TRAPPC9: variants seen among roughly 807,000 people sequenced by gnomAD.
TRAPPC9 encodes the protein IKK2 binding protein.
TRAPPC9 carries 83 observed loss-of-function variants against 124.0 expected under a neutral mutation model. The observed-to-expected ratio is 0.67, with a 90% confidence interval of 0.56 to 0.80. The LOEUF (loss-of-function observed/expected upper bound fraction) is 0.80, where lower values mean the gene tolerates loss of function less well. Among genes scored for constraint, TRAPPC9 ranks in the 30% least tolerant of loss-of-function variants. The pLI is 0.00. For synonymous variants in TRAPPC9, 638 were observed against 617.5 expected, an observed-to-expected ratio of 1.03 and a Z score of -0.49; for missense variants, 1,302 against 1,508.3, an observed-to-expected ratio of 0.86 and a Z score of 2.27.
chr8:140,428,171 G>T (rs182812560), intron 4 of TRAPPC9, among the ~76,000 whole-genome samples: 1 of 152,254 alleles, frequency 6.6e-6, no homozygotes, highest in Non-Finnish European at 1.5e-5. Flanking sequence ...TGTCCTTTAG[G>T]TAGGGGATAT....
At chr8:140,279,541 T>C (rs1392910856) in intron 14 of TRAPPC9, among the ~76,000 whole-genome samples, 1 of 152,222 alleles carries the variant, frequency 6.6e-6, no homozygotes, top group Non-Finnish European at 1.5e-5. Context: ...TCGGTTCCAC[T>C]GGACCCTCCT....
intron 17 of TRAPPC9, among the ~76,000 whole-genome samples, chr8:140,115,298 T>G (rs1314298064): frequency 6.6e-6 from 1 of 151,736 alleles, no homozygotes; most frequent in African/African-American, 2.4e-5. Context: ...GATGGAGTCT[T>G]GCTCTGTCGC....
At position 140,200,157 on chromosome 8, in the gene TRAPPC9, G is replaced by A. The variant is rs1289143630; in HGVS notation, c.2556+21302C>T. On this transcript the variant is annotated intron_variant, in intron 17 of 22. Coordinates refer to ENST00000438773, the MANE Select transcript of TRAPPC9 (RefSeq NM_001160372.4). ...ATAAACAAGACAGGAAAGCTAGAATGAGCCCTGTGGGACTGGACTCAGTTA... is the reference window on the plus strand; with the variant it reads ...ATAAACAAGACAGGAAAGCTAGAATAAGCCCTGTGGGACTGGACTCAGTTA... 3.3e-5 allele frequency among the ~76,000 whole-genome samples: 5 copies of A among 152,290 alleles called. No homozygotes were observed. In the East Asian group the frequency reaches 7.7e-4, roughly 23 times the overall value.
At chr8:139,951,571 A>G (rs1834646118) in intron 19 of TRAPPC9, among the ~76,000 whole-genome samples, 1 of 152,202 alleles carries the variant, frequency 6.6e-6, no homozygotes, top group Non-Finnish European at 1.5e-5. Flanking sequence ...TCTGTTGCTC[A>G]TGTAAGGAAT....
intron 18 of TRAPPC9, among the ~76,000 whole-genome samples, chr8:140,021,262 T>G (rs1382039604): frequency 1.3e-5 from 2 of 152,232 alleles, no homozygotes; most frequent in Non-Finnish European, 2.9e-5. Context: ...TGGCTTATCA[T>G]CCATTCCTTA....
intron 19 of TRAPPC9, among the ~76,000 whole-genome samples, chr8:139,957,520 G>A (rs732803): frequency 0.48 from 73,031 of 152,092 alleles, 18,154 homozygotes; most frequent in East Asian, 0.64. Context: ...GGGTGTCCTC[G>A]GGAATAAAAG....
intron 7 of TRAPPC9, among the ~76,000 whole-genome samples, chr8:140,388,991 CTT>C (rs1432213219): frequency 8.3e-6 from 1 of 120,016 alleles, no homozygotes; most frequent in Non-Finnish European, 1.7e-5. Context: ...GAGTTTTGCT[CTT>C]GTCACCCAGG....
chr8:139,990,486 G>A (rs964711650), intron 18 of TRAPPC9, among the ~76,000 whole-genome samples: 1 of 152,168 alleles, frequency 6.6e-6, no homozygotes, highest in Admixed American at 6.5e-5. Flanking sequence ...CACACAAGTA[G>A]GACTTTGTCA....
chr8:140,149,096 C>T (rs1416834811), intron 17 of TRAPPC9, among the ~76,000 whole-genome samples: 3 of 152,074 alleles, frequency 2.0e-5, no homozygotes, highest in African/African-American at 7.2e-5. Flanking sequence ...GGCGCTAATA[C>T]ATAAGAAAAA....
At chr8:140,221,708 GC>G in intron 16 of TRAPPC9, 125 bp from the exon 17 acceptor site, 2 of 1,301,096 alleles carry the variant, frequency 1.5e-6, no homozygotes, top group Non-Finnish European at 2.1e-6. Context: ...TGCAATCTCT[GC>G]TCACTGCAAC....
intron 21 of TRAPPC9, among the ~76,000 whole-genome samples, chr8:139,777,839 T>C (rs973844293): frequency 2.0e-5 from 3 of 152,166 alleles, no homozygotes; most frequent in African/African-American, 7.2e-5. Context: ...TCCCAGCTCA[T>C]TGTGACAGCA....
rs1037939982 is a variant in TRAPPC9, at chr8:139,730,251, C to T, written c.*810G>A. ...AGAACCCGTCCCTTCCTGGGTCCGG[C>T]TTCTGCTGGGAAGCCAGCCACCTGA... On this transcript the variant is annotated 3_prime_UTR_variant, in exon 23 of 23. Coordinates refer to ENST00000438773, the MANE Select transcript of TRAPPC9 (RefSeq NM_001160372.4). 6.6e-6 allele frequency: 1 copy of T among 152,380 alleles called. No individual in the cohort carries two copies. Among genetic ancestry groups the T allele is most frequent in the Non-Finnish European group, 1.5e-5 (1 of 68,164 alleles). 9.4% of individuals were successfully genotyped at this position (152,380 alleles called of 1,614,324 possible).
chr8:139,882,717 G>A (rs1476276779), intron 21 of TRAPPC9, among the ~76,000 whole-genome samples: 1 of 152,184 alleles, frequency 6.6e-6, no homozygotes, highest in Non-Finnish European at 1.5e-5. Context: ...CATGGTAGCA[G>A]GGGCTGCACT....
At chr8:140,387,908 T>C (rs2068799905) in intron 7 of TRAPPC9, among the ~76,000 whole-genome samples, 1 of 152,100 alleles carries the variant, frequency 6.6e-6, no homozygotes, top group Admixed American at 6.5e-5. Flanking sequence ...CATGCTGCTA[T>C]AAAGACAAAT....
chr8:139,887,455 C>T (rs1587102227), intron 20 of TRAPPC9, among the ~76,000 whole-genome samples: 2 of 152,146 alleles, frequency 1.3e-5, no homozygotes, highest in East Asian at 3.9e-4. Flanking sequence ...AACTCCTGAC[C>T]TCAAGTGATC....
At chr8:140,320,590 C>A (rs980061925) in intron 9 of TRAPPC9, among the ~76,000 whole-genome samples, 48 of 152,202 alleles carry the variant, frequency 3.2e-4, no homozygotes, top group African/African-American at 1.1e-3. Context: ...ATCCAGCACC[C>A]GGTTATCGGG....
intron 7 of TRAPPC9, 81 bp from the exon 8 acceptor site, chr8:140,371,261 C>A: frequency 2.2e-6 from 3 of 1,354,422 alleles, no homozygotes; most frequent in Non-Finnish European, 3.1e-6. Context: ...AATGTCTCTT[C>A]ATAAAACAAA....
intron 17 of TRAPPC9, among the ~76,000 whole-genome samples, chr8:140,047,566 G>A (rs1841696049): frequency 6.6e-6 from 1 of 152,186 alleles, no homozygotes. Context: ...GGGGACAAGA[G>A]TGGGCTGGCT....
intron 21 of TRAPPC9, among the ~76,000 whole-genome samples, chr8:139,790,572 C>T (rs1000672254): frequency 4.6e-5 from 7 of 152,178 alleles, no homozygotes; most frequent in African/African-American, 1.7e-4. Context: ...AGACACTTGG[C>T]GGAGCCTGGA....
Sources: allele counts gnomAD v4.1 joint callset (sites outside exome capture counted in the v4.1 genomes callset), GRCh38; gene constraint gnomAD v4.1.1; transcripts MANE v1.5; gene names NCBI Gene and HGNC (gene_info 2026-07-23, HGNC 2026-07-21).